The following KCND2 variants were observed in gnomAD, a reference collection of about 807,000 sequenced individuals.
The protein encoded by KCND2 is potassium voltage-gated channel subfamily D member 2, also known as A-type voltage-gated potassium channel KCND2.
In KCND2, 16 loss-of-function variants were observed where a neutral mutation model predicts 54.4. That is an observed-to-expected ratio of 0.29 (90% CI 0.20 to 0.45). The LOEUF is 0.45. Ranked by LOEUF, KCND2 falls within the 20% of genes least tolerant of loss-of-function variation. The pLI, the probability that KCND2 is intolerant of heterozygous loss-of-function variation, is 1.00. For missense variants in KCND2, 486 were observed against 824.2 expected, an observed-to-expected ratio of 0.59 and a Z score of 5.02; for synonymous variants, 317 against 310.7, an observed-to-expected ratio of 1.02 and a Z score of -0.21.
intron 1 of KCND2, among the ~76,000 whole-genome samples, chr7:120,678,328 C>T (rs1020728769): frequency 2.3e-5 from 3 of 133,284 alleles, no homozygotes; most frequent in Non-Finnish European, 3.1e-5. Flanking sequence ...GCTCTTCTAC[C>T]GTAGGTATGA....
chr7:120,423,485 G>A (rs926875108), intron 1 of KCND2, among the ~76,000 whole-genome samples: 6 of 152,238 alleles, frequency 3.9e-5, no homozygotes, highest in African/African-American at 1.4e-4. Context: ...CCCAAAGTAA[G>A]AGCATGCTGC....
chr7:120,458,766 T>C (rs1468478819), intron 1 of KCND2, among the ~76,000 whole-genome samples: 1 of 152,016 alleles, frequency 6.6e-6, no homozygotes, highest in Non-Finnish European at 1.5e-5. Flanking sequence ...TAATCTTTTC[T>C]TTCTCTCATA....
intron 1 of KCND2, among the ~76,000 whole-genome samples, chr7:120,607,522 A>G (rs1792896721): frequency 6.6e-6 from 1 of 152,162 alleles, no homozygotes; most frequent in African/African-American, 2.4e-5. Flanking sequence ...CTAAATATTC[A>G]TTCATCGTAC....
intron 1 of KCND2, among the ~76,000 whole-genome samples, 178 bp downstream of exon 1, chr7:120,275,925 C>T (rs751313757): frequency 5.3e-5 from 8 of 152,036 alleles, no homozygotes; most frequent in East Asian, 1.9e-4. Flanking sequence ...ATAATACACA[C>T]GTTGAAGTAT....
chr7:120,684,257 A>G (rs1733204474), intron 1 of KCND2, among the ~76,000 whole-genome samples: 1 of 152,252 alleles, frequency 6.6e-6, no homozygotes, highest in East Asian at 1.9e-4. Context: ...ACATTTTATG[A>G]AGTTAAAGTT....
intron 1 of KCND2, among the ~76,000 whole-genome samples, chr7:120,718,931 G>GTGCAGTTATTTGTTTAT (rs1792635673): frequency 6.6e-6 from 1 of 151,578 alleles, no homozygotes; most frequent in Non-Finnish European, 1.5e-5. Flanking sequence ...GATAATGAGA[G>GTGCAGTTATTTGTTTAT]TGCAGTTATT....
At position 120,275,215 on chromosome 7, in the gene KCND2, A is replaced by G; in HGVS notation, c.583A>G (p.Ile195Val). 1 of 1,613,884 alleles carries G rather than the reference A, an allele frequency of 6.2e-7. No individual in the cohort carries two copies. The highest frequency in any genetic ancestry group is 8.5e-7 in the Non-Finnish European group (1 of 1,179,970). Residue 195 changes from isoleucine to valine, a missense_variant, in exon 1 of 6, where the codon ATT (isoleucine) becomes GTT (valine). Physicochemically the swap from Ile to Val is conservative, Grantham distance 29. Around this residue, in one of 7 missense-constraint regions of KCND2, gnomAD observed 231 missense variants for 386.0 expected, o/e 0.60. Coordinates refer to ENST00000331113, the MANE Select transcript of KCND2 (RefSeq NM_012281.3). ...LVFYYVTGFFIAVSVIANVVE... is the reference protein window; with the variant it reads ...LVFYYVTGFFVAVSVIANVVE... Reference sequence around the variant, plus strand: ...GTTCTACTATGTCACGGGGTTTTTCATTGCCGTCTCTGTCATCGCGAATGT... The same window carrying G: ...GTTCTACTATGTCACGGGGTTTTTCGTTGCCGTCTCTGTCATCGCGAATGT...
At chr7:120,509,199 T>A (rs1803075615) in intron 1 of KCND2, among the ~76,000 whole-genome samples, 1 of 152,070 alleles carries the variant, frequency 6.6e-6, no homozygotes, top group Middle Eastern at 3.4e-3. Context: ...AAATGTGATG[T>A]GGTATTCTGG....
intron 1 of KCND2, among the ~76,000 whole-genome samples, chr7:120,559,005 GTGTGTGTGTTTC>G: frequency 6.6e-6 from 1 of 151,772 alleles, no homozygotes; most frequent in East Asian, 1.9e-4. Context: ...GTGTGTGTGT[GTGTGTGTGTTTC>G]TGTGTGTGTA....
chr7:120,564,665 A>G (rs1792275414), intron 1 of KCND2, among the ~76,000 whole-genome samples: 1 of 152,184 alleles, frequency 6.6e-6, no homozygotes, highest in African/African-American at 2.4e-5. Flanking sequence ...AACATGATAA[A>G]TATTAAGAAT....
In KCND2 at chr7:120,274,809, G is replaced by T. The variant is rs1172825729; in HGVS notation, c.177G>T (p.Leu59=). ...GCTTCCAGACGTGGCAGGACACCCT[G>T]GAACGTTACCCAGACACTCTACTGG... The part of the protein sequence containing the change: ...GTRFQTWQDT[L]ERYPDTLLGS... Residue 59 remains leucine, a synonymous_variant, in exon 1 of 6, where the codon CTG becomes CTT. Coordinates refer to ENST00000331113, the MANE Select transcript of KCND2 (RefSeq NM_012281.3). 2 of 1,614,088 alleles carry T rather than the reference G, an allele frequency of 1.2e-6. No homozygotes were observed. Among genetic ancestry groups the T allele is most frequent in the South Asian group, 2.2e-5 (2 of 91,080 alleles).
chr7:120,539,072 ATG>A (rs1305996912), intron 1 of KCND2, among the ~76,000 whole-genome samples: 5 of 135,604 alleles, frequency 3.7e-5, no homozygotes, highest in Non-Finnish European at 7.4e-5. Flanking sequence ...TCCATTATAT[ATG>A]TTATTATAAA....
intron 1 of KCND2, among the ~76,000 whole-genome samples, chr7:120,495,080 C>T (rs1376379991): frequency 6.6e-6 from 1 of 152,090 alleles, no homozygotes; most frequent in Non-Finnish European, 1.5e-5. Flanking sequence ...AATAATAAAC[C>T]TGGATGCTTT....
At chr7:120,568,755 G>A (rs908029846) in intron 1 of KCND2, among the ~76,000 whole-genome samples, 15 of 152,012 alleles carry the variant, frequency 9.9e-5, no homozygotes, top group Non-Finnish European at 1.9e-4. Flanking sequence ...AAATGAAGGT[G>A]GTACTTCATA....
chr7:120,296,132 G>A (rs1378791781), intron 1 of KCND2, among the ~76,000 whole-genome samples: 2 of 152,034 alleles, frequency 1.3e-5, no homozygotes, highest in Non-Finnish European at 2.9e-5. Context: ...TCTTTCTACT[G>A]CTGGGAAACT....
chr7:120,470,924 T>A (rs767651722), intron 1 of KCND2, among the ~76,000 whole-genome samples: 1 of 152,106 alleles, frequency 6.6e-6, no homozygotes, highest in Non-Finnish European at 1.5e-5. Flanking sequence ...TAAGTTGTCA[T>A]AGAGCTTAGT....
At chr7:120,315,387 G>C (rs990857808) in intron 1 of KCND2, among the ~76,000 whole-genome samples, 4 of 152,168 alleles carry the variant, frequency 2.6e-5, no homozygotes, top group African/African-American at 7.2e-5. Flanking sequence ...ATGCTTCTCA[G>C]TGTCTCTAGG....
At chr7:120,530,530 C>T (rs1212927120) in intron 1 of KCND2, among the ~76,000 whole-genome samples, 1 of 152,120 alleles carries the variant, frequency 6.6e-6, no homozygotes, top group African/African-American at 2.4e-5. Flanking sequence ...AACCACTCTG[C>T]TCTTTCATAA....
chr7:120,294,025 T>C (rs537466840), intron 1 of KCND2, among the ~76,000 whole-genome samples: 1 of 152,116 alleles, frequency 6.6e-6, no homozygotes, highest in Non-Finnish European at 1.5e-5. Flanking sequence ...TACTCTTGCA[T>C]TCGTTTGTGA....
Sources: allele counts gnomAD v4.1 joint callset (sites outside exome capture counted in the v4.1 genomes callset), GRCh38; gene constraint gnomAD v4.1.1; regional missense constraint gnomAD v4.1.1; transcripts MANE v1.5; gene names NCBI Gene and HGNC (gene_info 2026-07-23, HGNC 2026-07-21).